Variants in CFAP61 observed in about 807,000 individuals in gnomAD.
CFAP61 encodes the protein cilia and flagella associated protein 61, also known as cilia- and flagella-associated protein 61.
In CFAP61, 107 loss-of-function variants were observed where a neutral mutation model predicts 135.6. The observed-to-expected ratio is 0.79, with a 90% CI of 0.67 to 0.93. The LOEUF (loss-of-function observed/expected upper bound fraction) is 0.93. CFAP61 is among the 40% of genes least tolerant of loss of function. The pLI, the probability that CFAP61 is intolerant of heterozygous loss-of-function variation, is 0.00. For missense variants in CFAP61, 1,507 were observed against 1,556.2 expected, an observed-to-expected ratio of 0.97 and a Z score of 0.53; for synonymous variants, 575 against 578.5, an observed-to-expected ratio of 0.99 and a Z score of 0.09.
In CFAP61 at chr20:20,309,385, C is replaced by T. The variant is rs148462513; in HGVS notation, c.3422+10999C>T. ...AATGAAAAGAATTGAAGGGGAACTGCGATTTCCTCCTAGAAATAAGACCTG... is the reference window on the plus strand; with the variant it reads ...AATGAAAAGAATTGAAGGGGAACTGTGATTTCCTCCTAGAAATAAGACCTG... On this transcript the variant is annotated intron_variant, in intron 25 of 26. Transcript: ENST00000245957. 1.2e-3 allele frequency among the ~76,000 whole-genome samples: 185 copies of T among 152,224 alleles called. 1 individual carries two copies. Among genetic ancestry groups the T allele is most frequent in the African/African-American group, 4.2e-3 (173 of 41,538 alleles).
intron 17 of CFAP61, among the ~76,000 whole-genome samples, chr20:20,223,091 G>A (rs2048508011): frequency 6.6e-6 from 1 of 152,176 alleles, no homozygotes; most frequent in Non-Finnish European, 1.5e-5. Context: ...TGAAAATTGA[G>A]CTCATTGTTT....
At chr20:20,313,036 C>T (rs768506980) in intron 25 of CFAP61, among the ~76,000 whole-genome samples, 16 of 152,176 alleles carry the variant, frequency 1.1e-4, no homozygotes, top group Non-Finnish European at 2.2e-4. Context: ...GAATTATGTC[C>T]TCTCACCAAA....
intron 17 of CFAP61, among the ~76,000 whole-genome samples, chr20:20,210,066 T>A (rs2047523698): frequency 6.6e-6 from 1 of 152,168 alleles, no homozygotes; most frequent in Non-Finnish European, 1.5e-5. Context: ...TTTCAGAAGC[T>A]CATTGCTGCC....
At chr20:20,228,134 G>C in intron 17 of CFAP61, 115 bp from the exon 18 acceptor site, 1 of 828,460 alleles carries the variant, frequency 1.2e-6, no homozygotes, top group East Asian at 2.5e-5. Context: ...GCACTATTAG[G>C]TTTGTTTTGG....
intron 17 of CFAP61, among the ~76,000 whole-genome samples, chr20:20,204,652 G>A (rs372938777): frequency 2.6e-5 from 4 of 152,136 alleles, no homozygotes; most frequent in South Asian, 2.1e-4. Context: ...AACTTTCACC[G>A]CCAGTGGTTA....
chr20:20,098,575 T>A (rs2047760418), intron 7 of CFAP61, 80 bp from the exon 8 acceptor site: 34 of 1,352,058 alleles, frequency 2.5e-5, no homozygotes, highest in Non-Finnish European at 3.3e-5. Context: ...ACCACTGCAC[T>A]CCAGCCTGGG....
chr20:20,265,492 G>A (rs773423409), intron 21 of CFAP61: 13 of 779,586 alleles, frequency 1.7e-5, no homozygotes, highest in Non-Finnish European at 2.9e-5. Flanking sequence ...CCCCCTTAAA[G>A]GGAAATGTTT....
chr20:20,054,703 A>G (rs1240435380), intron 1 of CFAP61, among the ~76,000 whole-genome samples: 1 of 152,186 alleles, frequency 6.6e-6, no homozygotes, highest in Non-Finnish European at 1.5e-5. Context: ...GAAGTTTGCT[A>G]ACCCCCGTGC....
chr20:20,288,493 T>C (rs1160344442), intron 22 of CFAP61, 116 bp from the exon 23 acceptor site: 1 of 786,822 alleles, frequency 1.3e-6, no homozygotes, highest in Non-Finnish European at 2.1e-6. Context: ...TAGCAAACTT[T>C]TAGTATGTGT....
At chr20:20,317,623 C>A (rs1300929098) in intron 25 of CFAP61, among the ~76,000 whole-genome samples, 1 of 152,200 alleles carries the variant, frequency 6.6e-6, no homozygotes, top group Non-Finnish European at 1.5e-5. Context: ...GATGCCCCTG[C>A]AGCTGCTAAT....
intron 25 of CFAP61, among the ~76,000 whole-genome samples, chr20:20,324,958 T>C (rs905340886): frequency 2.0e-5 from 3 of 152,356 alleles, no homozygotes; most frequent in East Asian, 3.9e-4. Flanking sequence ...ATTATGTACA[T>C]TGCAAATATT....
At chr20:20,296,036 T>C in intron 24 of CFAP61, among the ~76,000 whole-genome samples, 1 of 62,336 alleles carries the variant, frequency 1.6e-5, no homozygotes. Flanking sequence ...CTTTCTTTTC[T>C]TCCTCCCTCC....
At chr20:20,337,254 TGGATGGAC>T (rs2058230189) in intron 25 of CFAP61, among the ~76,000 whole-genome samples, 2 of 149,386 alleles carry the variant, frequency 1.3e-5, no homozygotes, top group African/African-American at 2.5e-5. Flanking sequence ...GATGGATGGA[TGGATGGAC>T]AGAATGGGTG....
intron 2 of CFAP61, among the ~76,000 whole-genome samples, chr20:20,064,961 G>A (rs74478992): frequency 0.03 from 4,574 of 152,200 alleles, 107 homozygotes; most frequent in Non-Finnish European, 0.044. Context: ...AGGGCAGTGT[G>A]GTAATTTGCA....
chr20:20,178,631 G>A (rs1297326195), intron 13 of CFAP61, among the ~76,000 whole-genome samples: 1 of 152,024 alleles, frequency 6.6e-6, no homozygotes, highest in Non-Finnish European at 1.5e-5. Context: ...CCATTAACTT[G>A]GCTCAGTAAA....
intron 1 of CFAP61, among the ~76,000 whole-genome samples, chr20:20,052,913 G>A (rs982392153): frequency 2.8e-4 from 26 of 91,616 alleles, no homozygotes; most frequent in African/African-American, 4.0e-4. Flanking sequence ...GGACAGTTGT[G>A]CCCAAATAAT....
chr20:20,298,106 A>C, intron 24 of CFAP61, 75 bp from the exon 25 acceptor site: 1 of 964,182 alleles, frequency 1.0e-6, no homozygotes, highest in Non-Finnish European at 1.7e-6. Flanking sequence ...TTTGAAAAAT[A>C]AATTGCTATG....
At chr20:20,164,552 T>A (rs576120820) in intron 11 of CFAP61, among the ~76,000 whole-genome samples, 29 of 152,336 alleles carry the variant, frequency 1.9e-4, no homozygotes, top group African/African-American at 6.7e-4. Flanking sequence ...GGGTTACTGG[T>A]TGTCTAGAGT....
intron 17 of CFAP61, among the ~76,000 whole-genome samples, chr20:20,207,768 AAAAAC>A (rs1410863401): frequency 6.6e-6 from 1 of 152,228 alleles, no homozygotes; most frequent in Non-Finnish European, 1.5e-5. Flanking sequence ...AATTTTAGGA[AAAAAC>A]AATAGAGAAA....
Sources: gnomAD v4.1 joint callset for allele counts (sites outside exome capture counted in the v4.1 genomes callset) on GRCh38, gnomAD v4.1.1 for gene constraint, MANE v1.5 for transcripts, NCBI Gene and HGNC (gene_info 2026-07-23, HGNC 2026-07-21) for gene names.